WDFY4: variants seen among roughly 807,000 people sequenced by gnomAD.
The protein encoded by WDFY4 is WD repeat- and FYVE domain-containing protein 4.
In WDFY4, 169 loss-of-function variants were observed where a neutral mutation model predicts 351.9. That is an observed-to-expected ratio of 0.48 (90% CI 0.42 to 0.55). WDFY4 has a LOEUF of 0.55. WDFY4 is among the 20% of genes least tolerant of loss of function. WDFY4 has a pLI of 0.00. For missense variants in WDFY4, 3,803 were observed against 3,935.6 expected, an observed-to-expected ratio of 0.97 and a Z score of 0.90; for synonymous variants, 1,622 against 1,574.6, an observed-to-expected ratio of 1.03 and a Z score of -0.71.
chr10:48,788,468 T>C (rs1389223354), intron 20 of WDFY4, 62 bp from the exon 21 acceptor site: 4 of 1,502,124 alleles, frequency 2.7e-6, no homozygotes, highest in Non-Finnish European at 2.7e-6. Flanking sequence ...TTAAATTGTA[T>C]GAGGATTAAT....
chr10:48,809,734 A>G (rs1299407022), intron 28 of WDFY4, among the ~76,000 whole-genome samples: 1 of 152,246 alleles, frequency 6.6e-6, no homozygotes, highest in Admixed American at 6.5e-5. Flanking sequence ...AGAGCACATC[A>G]GGAGCTCTGC....
At chr10:48,790,453 A>C (rs1432103560) in intron 22 of WDFY4, among the ~76,000 whole-genome samples, 1 of 152,114 alleles carries the variant, frequency 6.6e-6, no homozygotes. Context: ...CTCATCCAAC[A>C]CTCTGGAGTG....
intron 47 of WDFY4, among the ~76,000 whole-genome samples, chr10:48,916,355 G>C (rs543703163): frequency 2.6e-5 from 4 of 152,170 alleles, no homozygotes; most frequent in Non-Finnish European, 5.9e-5. Context: ...AGGGAAATCT[G>C]TTTGGTGTTC....
At chr10:48,755,127 C>T (rs1236482154) in intron 12 of WDFY4, among the ~76,000 whole-genome samples, 1 of 152,116 alleles carries the variant, frequency 6.6e-6, no homozygotes, top group Admixed American at 6.6e-5. Context: ...GTGGATCTTT[C>T]CTTATAGTTT....
intron 39 of WDFY4, among the ~76,000 whole-genome samples, chr10:48,854,097 A>G (rs1300968858): frequency 3.3e-5 from 5 of 150,614 alleles, no homozygotes; most frequent in Non-Finnish European, 7.4e-5. Flanking sequence ...TTTAATTTTT[A>G]GGAGACAGTC....
chr10:48,708,953 T>G (rs1358119408), intron 1 of WDFY4, among the ~76,000 whole-genome samples: 1 of 152,038 alleles, frequency 6.6e-6, no homozygotes, highest in Non-Finnish European at 1.5e-5. Flanking sequence ...CTTTTATGTA[T>G]GCAGCCTTTT....
chr10:48,824,286 T>G (rs1589695152), intron 35 of WDFY4: 1 of 709,826 alleles, frequency 1.4e-6, no homozygotes, highest in East Asian at 1.3e-4. Flanking sequence ...TAACTTAGCG[T>G]CTATGGTGTT....
intron 14 of WDFY4, 31 bp from the exon 15 acceptor site, chr10:48,775,681 T>C (rs750547858): frequency 4.5e-6 from 7 of 1,539,606 alleles, no homozygotes; most frequent in Non-Finnish European, 6.2e-6. Context: ...GTAAAATGTC[T>C]TCATTTTTTC....
chr10:48,695,601 T>G (rs537660872), intron 1 of WDFY4, among the ~76,000 whole-genome samples: 25 of 152,340 alleles, frequency 1.6e-4, no homozygotes, highest in Admixed American at 1.4e-3. Flanking sequence ...TCTCTGTTAG[T>G]AGATGGTCAC....
chr10:48,821,043 T>G lies in WDFY4; in HGVS notation c.5710-19T>G. On this transcript the variant is annotated intron_variant, in intron 33 of 61. Coordinates refer to ENST00000325239, the MANE Select transcript of WDFY4 (RefSeq NM_001394531.1). ...GATGGCCCTGTGGTTGCTGTCTCAGTCCCGGGCTGTGCTTCCAGGCTTCTC... is the reference window on the plus strand; with the variant it reads ...GATGGCCCTGTGGTTGCTGTCTCAGGCCCGGGCTGTGCTTCCAGGCTTCTC... The G allele has an allele frequency of 6.5e-7, 1 of 1,540,898 alleles. No homozygotes were observed. Among genetic ancestry groups the G allele is most frequent in the Non-Finnish European group, 8.8e-7 (1 of 1,137,192 alleles).
At chr10:48,835,613 G>A (rs541013250) in intron 39 of WDFY4, among the ~76,000 whole-genome samples, 1 of 152,294 alleles carries the variant, frequency 6.6e-6, no homozygotes, top group South Asian at 2.1e-4. Context: ...TTATGTTTCT[G>A]TCTTTGATCT....
chr10:48,839,524 T>G (rs1564406118), intron 39 of WDFY4, among the ~76,000 whole-genome samples: 1 of 151,732 alleles, frequency 6.6e-6, no homozygotes, highest in Non-Finnish European at 1.5e-5. Context: ...AATGCAAGAG[T>G]CAGAGGACCC....
intron 19 of WDFY4, among the ~76,000 whole-genome samples, chr10:48,781,879 C>T (rs927680540): frequency 6.6e-6 from 1 of 152,134 alleles, no homozygotes; most frequent in Non-Finnish European, 1.5e-5. Context: ...AAGCCAAAGA[C>T]CTCCAGGAAC....
chr10:48,848,289 C>T (rs1564414334), intron 39 of WDFY4, among the ~76,000 whole-genome samples: 1 of 152,198 alleles, frequency 6.6e-6, no homozygotes, highest in Admixed American at 6.5e-5. Flanking sequence ...CTGGTGTTCT[C>T]ATTAATTGCT....
At chr10:48,769,918 C>T (rs770443816) in intron 13 of WDFY4, among the ~76,000 whole-genome samples, 21 of 152,356 alleles carry the variant, frequency 1.4e-4, no homozygotes, top group Non-Finnish European at 2.6e-4. Flanking sequence ...GGGCCCAGCC[C>T]GCTGGCCAAC....
rs1023800664 is a variant in WDFY4 at position 48,754,226 on chromosome 10, G to A, written c.2460-6121G>A. Among the ~76,000 whole-genome samples, 17 of 139,872 alleles carry A rather than the reference G, an allele frequency of 1.2e-4. 1 individual carries two copies. In the East Asian group the frequency reaches 1.7e-3, roughly 14 times the overall value. 91.8% of individuals were successfully genotyped at this position (139,872 alleles called of 152,430 possible). On this transcript the variant is annotated intron_variant, in intron 12 of 61. Coordinates refer to ENST00000325239, the MANE Select transcript of WDFY4 (RefSeq NM_001394531.1). ...AGGGACATTGATCCCTTGGATATTG[G>A]TAGGTTTTTTTTTTTTTTTCTGTAT...
chr10:48,972,838 G>A (rs972623491), intron 57 of WDFY4, among the ~76,000 whole-genome samples: 3 of 152,136 alleles, frequency 2.0e-5, no homozygotes. Context: ...ATTTTCCGGG[G>A]TTTTCTTTTT....
intron 47 of WDFY4, among the ~76,000 whole-genome samples, chr10:48,903,507 G>T (rs1037790981): frequency 1.3e-5 from 2 of 152,330 alleles, no homozygotes; most frequent in Middle Eastern, 3.4e-3. Context: ...ATAATATGAT[G>T]TGATCAGATT....
At chr10:48,827,301 T>G (rs1398991755) in intron 36 of WDFY4, among the ~76,000 whole-genome samples, 1 of 151,928 alleles carries the variant, frequency 6.6e-6, no homozygotes, top group Non-Finnish European at 1.5e-5. Context: ...TATTGTGCAA[T>G]GCAGGAATAA....
Sources: allele counts gnomAD v4.1 joint callset (sites outside exome capture counted in the v4.1 genomes callset), GRCh38; gene constraint gnomAD v4.1.1; transcripts MANE v1.5; gene names NCBI Gene and HGNC (gene_info 2026-07-23, HGNC 2026-07-21).